The following TSPEAR variants were observed in gnomAD, a reference collection of about 807,000 sequenced individuals.
The protein encoded by TSPEAR is thrombospondin-type laminin G domain and EAR repeat-containing protein.
A neutral mutation model predicts 71.6 loss-of-function variants in TSPEAR; 69 were observed. The ratio of observed to expected loss-of-function variants is 0.96; its 90% CI spans 0.79 to 1.18. The LOEUF (loss-of-function observed/expected upper bound fraction) is 1.18, where lower values mean the gene tolerates loss of function less well. TSPEAR is among the 50% of genes most tolerant of loss of function. The probability of loss-of-function intolerance (pLI) is 0.00; values close to 1 mark genes in which losing one functional copy is unlikely to be tolerated. For synonymous variants in TSPEAR, 402 were observed against 387.2 expected (o/e 1.04, Z -0.45); for missense variants, 971 against 894.9 (o/e 1.09, Z -1.09).
intron 1 of TSPEAR, among the ~76,000 whole-genome samples, chr21:44,570,004 T>A (rs587757726): frequency 6.6e-6 from 1 of 152,114 alleles, no homozygotes; most frequent in Non-Finnish European, 1.5e-5. Flanking sequence ...TGCACCCTAC[T>A]GCCCCTCCCC....
intron 1 of TSPEAR, among the ~76,000 whole-genome samples, chr21:44,673,698 A>C (rs1555946391): frequency 6.6e-6 from 1 of 152,226 alleles, no homozygotes. Context: ...TTCAGGACAG[A>C]CCCTATGTTT....
rs370558033 is a variant in TSPEAR at position 44,601,047 on chromosome 21, G to A, written c.83-33042C>T. Reference sequence around the variant, plus strand: ...CATGCTGCCAGCAGTCTAGCTGCCAGTCAGCTTGCTGCACCTCCTCCCCCT... The same window carrying A: ...CATGCTGCCAGCAGTCTAGCTGCCAATCAGCTTGCTGCACCTCCTCCCCCT... On this transcript the variant is annotated intron_variant, in intron 1 of 11. Coordinates refer to ENST00000323084, the MANE Select transcript of TSPEAR (RefSeq NM_144991.3). 2.5e-6 allele frequency: 4 copies of A among 1,612,592 alleles called. No homozygotes were observed. In the African/African-American group the frequency reaches 4.1e-5, roughly 16 times the overall value.
At chr21:44,561,709 A>G (rs1555921059) in intron 2 of TSPEAR, among the ~76,000 whole-genome samples, 2 of 152,232 alleles carry the variant, frequency 1.3e-5, no homozygotes, top group Non-Finnish European at 2.9e-5. Flanking sequence ...CCATCACATA[A>G]AGAGAACCAA....
intron 1 of TSPEAR, among the ~76,000 whole-genome samples, chr21:44,633,927 A>G (rs1216096388): frequency 6.6e-6 from 1 of 152,086 alleles, no homozygotes; most frequent in African/African-American, 2.4e-5. Context: ...TTTGTTAGGT[A>G]CATGAATGTT....
chr21:44,502,510 C>T (rs191896937), intron 11 of TSPEAR, among the ~76,000 whole-genome samples: 10 of 152,314 alleles, frequency 6.6e-5, no homozygotes, highest in Middle Eastern at 3.4e-3. Context: ...GTTAAACGTA[C>T]GATACTTGGA....
At chr21:44,621,983 G>C (rs1555933574) in intron 1 of TSPEAR, among the ~76,000 whole-genome samples, 1 of 151,722 alleles carries the variant, frequency 6.6e-6, no homozygotes, top group East Asian at 1.9e-4. Flanking sequence ...CATTTTTTTT[G>C]GTCCCTTTAC....
At chr21:44,626,532 G>A (rs1425288749) in intron 1 of TSPEAR, among the ~76,000 whole-genome samples, 1 of 152,212 alleles carries the variant, frequency 6.6e-6, no homozygotes, top group Non-Finnish European at 1.5e-5. Context: ...TCAGCAAGGA[G>A]TGGGCTGAGC....
intron 1 of TSPEAR, among the ~76,000 whole-genome samples, chr21:44,667,620 T>A (rs587687721): frequency 6.6e-6 from 1 of 152,126 alleles, no homozygotes; most frequent in South Asian, 2.1e-4. Context: ...CAGTGAAGGG[T>A]CCCATGGACA....
At chr21:44,646,220 C>T (rs587770937) in intron 1 of TSPEAR, among the ~76,000 whole-genome samples, 1 of 149,890 alleles carries the variant, frequency 6.7e-6, no homozygotes, top group South Asian at 2.1e-4. Flanking sequence ...AGCCCTGCGA[C>T]ATACATACCA....
chr21:44,682,169 T>G lies in TSPEAR; in HGVS notation c.82+29264A>C, dbSNP rs781977242. The G allele has an allele frequency of 2.5e-6, 4 of 1,595,464 alleles. No individual in the cohort carries two copies. The African/African-American group carries it at 5.3e-5, about 21-fold the overall frequency. On this transcript the variant is annotated intron_variant, in intron 1 of 11. Coordinates refer to ENST00000323084, the MANE Select transcript of TSPEAR (RefSeq NM_144991.3). ...GGTCGAGGCAGAGGGCAGTGATGTC[T>G]GGGGATGGCCTCCCTGGGTAGCCTT...
chr21:44,621,821 CT>C (rs1418552941), intron 1 of TSPEAR, among the ~76,000 whole-genome samples: 2 of 151,890 alleles, frequency 1.3e-5, no homozygotes, highest in African/African-American at 2.4e-5. Flanking sequence ...ATTTTTGTTC[CT>C]TTTGTGTGGA....
At position 44,676,172 on chromosome 21, in the gene TSPEAR, G is replaced by A. The variant is rs115956860; in HGVS notation, c.82+35261C>T. The A allele has an allele frequency of 4.1e-3, 4,834 of 1,170,354 alleles. 150 individuals are homozygous for A. The African/African-American group carries it at 0.064, about 16-fold the overall frequency. The allele number at this position is 1,170,354 out of a possible 1,614,324, so 72.5% of individuals were successfully genotyped here. A position where few individuals can be genotyped will look rare whatever the true frequency, so the allele number is the denominator to read the frequency against. On this transcript the variant is annotated intron_variant, in intron 1 of 11. Coordinates refer to ENST00000323084, the MANE Select transcript of TSPEAR (RefSeq NM_144991.3). ...GACTGCAGGTAGGAGAAGAAGTACT[G>A]GTACAAGCTATTTCTGGTTTAATCA...
Position 44,522,111 on chromosome 21 carries a change from G to A in TSPEAR, c.1338C>T (p.Gly446=), listed in dbSNP as rs148471285. The A allele has an allele frequency of 1.6e-5, 26 of 1,613,840 alleles. No homozygotes were observed. Among genetic ancestry groups the A allele is most frequent in the South Asian group, 6.6e-5 (6 of 91,030 alleles). ...TGACACTGTCGATGTTGTGGTTGTC[G>A]CCTGGAACCAAGGGACTGTGCTGGG... The part of the protein sequence containing the change: ...HFLAVANHRE[G]DNHNIDSVIY... Residue 446 remains glycine (G), a splice_region_variant and synonymous_variant, in exon 9 of 12, where the codon GGC becomes GGT. Coordinates refer to ENST00000323084, the MANE Select transcript of TSPEAR (RefSeq NM_144991.3).
chr21:44,572,326 G>A lies in TSPEAR; in HGVS notation c.83-4321C>T, dbSNP rs142244298. On this transcript the variant is annotated intron_variant, in intron 1 of 11. Coordinates refer to ENST00000323084, the MANE Select transcript of TSPEAR (RefSeq NM_144991.3). ...AAGTTGGTGCAGCTGCCTAAAGACC[G>A]TCCTGGCTGAGAAGAAACAGAGCAG... Among the ~76,000 whole-genome samples the A allele has an allele frequency of 3.1e-3, 477 of 152,304 alleles. 3 individuals are homozygous for A. Among genetic ancestry groups the A allele is most frequent in the African/African-American group, 0.01 (423 of 41,566 alleles).
intron 1 of TSPEAR, chr21:44,697,426 C>T (rs782731388): frequency 6.2e-7 from 1 of 1,613,952 alleles, no homozygotes; most frequent in Non-Finnish European, 8.5e-7. Context: ...GCCAATCAGG[C>T]TGCACCAGCT....
At chr21:44,505,102 G>A (rs587593624) in intron 10 of TSPEAR, among the ~76,000 whole-genome samples, 2 of 152,264 alleles carry the variant, frequency 1.3e-5, no homozygotes, top group Non-Finnish European at 2.9e-5. Context: ...TTTTTGAGAT[G>A]GAGTCTCATT....
At chr21:44,582,522 C>G (rs1046627523) in intron 1 of TSPEAR, among the ~76,000 whole-genome samples, 1 of 152,206 alleles carries the variant, frequency 6.6e-6, no homozygotes, top group Non-Finnish European at 1.5e-5. Flanking sequence ...CCTCCTTAAT[C>G]GAATGGGTGT....
Position 44,582,790 on chromosome 21 carries a change from TTCTTTCTTTCTC to T in TSPEAR, c.83-14797_83-14786del, listed in dbSNP as rs797023431. ...CGGACAATTGAATGATCACACCAAT[TTCTTTCTTTCTC>T]TCTTTCTTTCTCTTTCTTTCTTTTC... On this transcript the variant is annotated intron_variant, in intron 1 of 11. Coordinates refer to ENST00000323084, the MANE Select transcript of TSPEAR (RefSeq NM_144991.3). Among the ~76,000 whole-genome samples the T allele has an allele frequency of 3.8e-4, 57 of 151,992 alleles. 1 individual carries two copies. In the East Asian group the frequency reaches 6.8e-3, roughly 18 times the overall value.
At chr21:44,579,347 T>A in intron 1 of TSPEAR, 1 of 234,408 alleles carries the variant, frequency 4.3e-6, no homozygotes, top group Non-Finnish European at 8.3e-6. Flanking sequence ...TAGGCCACTG[T>A]CCCCCGTGAC....
Sources: gnomAD v4.1 joint callset for allele counts (sites outside exome capture counted in the v4.1 genomes callset) on GRCh38, gnomAD v4.1.1 for gene constraint, MANE v1.5 for transcripts, NCBI Gene and HGNC (gene_info 2026-07-23, HGNC 2026-07-21) for gene names.